The following PLD5 variants were observed in gnomAD, a reference collection of about 807,000 sequenced individuals.
PLD5 encodes phospholipase D family member 5, also known as inactive phospholipase D5.
In PLD5, 36 loss-of-function variants were observed where a neutral mutation model predicts 61.1. The ratio of observed to expected loss-of-function variants is 0.59; its 90% CI spans 0.45 to 0.78. The LOEUF is 0.78. Ranked by LOEUF, PLD5 falls within the 30% of genes least tolerant of loss-of-function variation. The pLI, the probability that PLD5 is intolerant of heterozygous loss-of-function variation, is 0.00. For synonymous variants in PLD5, 243 were observed against 242.8 expected, an observed-to-expected ratio of 1.00 and a Z score of -0.01; for missense variants, 515 against 644.4, an observed-to-expected ratio of 0.80 and a Z score of 2.17.
At chr1:242,355,199 T>C (rs1455994227) in intron 1 of PLD5, among the ~76,000 whole-genome samples, 1 of 152,202 alleles carries the variant, frequency 6.6e-6, no homozygotes. Context: ...GGGGAATTGG[T>C]AATAGTTCTT....
At chr1:242,485,111 T>C (rs1268543923) in intron 1 of PLD5, among the ~76,000 whole-genome samples, 3 of 152,128 alleles carry the variant, frequency 2.0e-5, no homozygotes, top group Non-Finnish European at 2.9e-5. Flanking sequence ...TCATACTGAA[T>C]GGGCAAAAAC....
chr1:242,308,111 C>T (rs890995094), intron 2 of PLD5, among the ~76,000 whole-genome samples: 4 of 152,070 alleles, frequency 2.6e-5, no homozygotes, highest in Non-Finnish European at 5.9e-5. Context: ...ACTTTTCATT[C>T]ATATTCACAT....
chr1:242,281,247 C>T (rs1209612751), intron 3 of PLD5, among the ~76,000 whole-genome samples: 1 of 152,214 alleles, frequency 6.6e-6, no homozygotes, highest in African/African-American at 2.4e-5. Context: ...AACAAAAGCC[C>T]TTGTCTGTTG....
At chr1:242,387,723 AAATTTTATCTATTTTATATAT>A (rs1662681631) in intron 1 of PLD5, among the ~76,000 whole-genome samples, 2 of 54,202 alleles carry the variant, frequency 3.7e-5, no homozygotes, top group South Asian at 1.3e-3. Flanking sequence ...ATTTTATATA[AAATTTTATCTATTTTATATAT>A]GATATATATC....
intron 2 of PLD5, among the ~76,000 whole-genome samples, chr1:242,291,514 A>G (rs1269099996): frequency 6.6e-6 from 1 of 152,102 alleles, no homozygotes; most frequent in Non-Finnish European, 1.5e-5. Context: ...GATCCATTCA[A>G]ACTGACAACG....
chr1:242,228,097 G>A (rs1253658807), intron 4 of PLD5, among the ~76,000 whole-genome samples: 12 of 152,184 alleles, frequency 7.9e-5, no homozygotes, highest in Non-Finnish European at 1.8e-4. Flanking sequence ...ACAATGGCGT[G>A]TTCACATTTA....
intron 2 of PLD5, among the ~76,000 whole-genome samples, chr1:242,302,808 A>G (rs1310608944): frequency 6.6e-6 from 1 of 152,178 alleles, no homozygotes; most frequent in African/African-American, 2.4e-5. Context: ...TGTACATGTA[A>G]GCTTCTGTTT....
At chr1:242,105,706 T>G (rs2148679994) in intron 8 of PLD5, among the ~76,000 whole-genome samples, 1 of 152,282 alleles carries the variant, frequency 6.6e-6, no homozygotes, top group East Asian at 1.9e-4. Flanking sequence ...GAAAAATCCT[T>G]TAAGTGGCCA....
intron 1 of PLD5, among the ~76,000 whole-genome samples, chr1:242,503,277 G>C (rs549758114): frequency 6.6e-6 from 1 of 152,200 alleles, no homozygotes; most frequent in East Asian, 1.9e-4. Context: ...GATCACGCGA[G>C]ATCTGGTTGT....
rs1030395188 is a variant in PLD5 at position 242,084,680 on chromosome 1, T to C, written c.*5174A>G. On this transcript the variant is annotated 3_prime_UTR_variant, in exon 10 of 10. Coordinates refer to ENST00000536534, the MANE Select transcript of PLD5 (RefSeq NM_001372062.1). ...GCTGAGCAGACACTAGGTTCTCTAG[T>C]GGGGTCTCTATGATTGTTTCTTTTT... 6.7e-6 allele frequency: 1 copy of C among 150,260 alleles called. No homozygotes were observed. The highest frequency in any genetic ancestry group is 1.5e-5 in the Non-Finnish European group (1 of 67,700). 9.3% of individuals were successfully genotyped at this position (150,260 alleles called of 1,614,324 possible). A position where few individuals can be genotyped will look rare whatever the true frequency, so the allele number is the denominator to read the frequency against.
At chr1:242,226,365 C>A (rs933829982) in intron 4 of PLD5, among the ~76,000 whole-genome samples, 2 of 152,172 alleles carry the variant, frequency 1.3e-5, no homozygotes, top group Admixed American at 6.5e-5. Flanking sequence ...CAGATCTCTG[C>A]AGATCCTCCT....
At position 242,496,129 on chromosome 1, in the gene PLD5, A is replaced by G. The variant is rs371509755; in HGVS notation, c.189+27959T>C. ...AGGGACATTCCTAGACCAAAATAAT[A>G]TCTGAGAACACTGGATTACGTTCCA... On this transcript the variant is annotated intron_variant, in intron 1 of 9. Transcript: ENST00000536534. Among the ~76,000 whole-genome samples, 10 of 152,240 alleles carry G rather than the reference A, an allele frequency of 6.6e-5. No individual in the cohort carries two copies. In the East Asian group the frequency reaches 1.9e-3, roughly 29 times the overall value.
intron 1 of PLD5, among the ~76,000 whole-genome samples, chr1:242,468,054 T>C (rs1667329715): frequency 6.6e-6 from 1 of 152,188 alleles, no homozygotes; most frequent in African/African-American, 2.4e-5. Context: ...AAAACAAAAG[T>C]TGGAGTGCCA....
At chr1:242,480,783 A>C (rs1484026188) in intron 1 of PLD5, among the ~76,000 whole-genome samples, 1 of 152,224 alleles carries the variant, frequency 6.6e-6, no homozygotes, top group Non-Finnish European at 1.5e-5. Flanking sequence ...AATGCAAATT[A>C]AAAACCACAA....
Position 242,406,486 on chromosome 1 carries a change from G to T in PLD5, c.190-58244C>A, listed in dbSNP as rs1049579931. 4.6e-5 allele frequency among the ~76,000 whole-genome samples: 7 copies of T among 152,248 alleles called. 1 individual carries two copies. The highest frequency in any genetic ancestry group is 4.8e-5 in the African/African-American group (2 of 41,536). On this transcript the variant is annotated intron_variant, in intron 1 of 9. Transcript: ENST00000536534. Reference sequence around the variant, plus strand: ...CTTCCTATATACAACCAGCAATTCTGTGGATCCCTAAAGGTTGATCCGTCA... The same window carrying T: ...CTTCCTATATACAACCAGCAATTCTTTGGATCCCTAAAGGTTGATCCGTCA...
chr1:242,236,991 A>G (rs1479985784), intron 4 of PLD5, among the ~76,000 whole-genome samples: 1 of 152,244 alleles, frequency 6.6e-6, no homozygotes, highest in East Asian at 1.9e-4. Context: ...AATCCAGGAT[A>G]CTGAAAAATT....
intron 5 of PLD5, chr1:242,177,815 G>A (rs545431713): frequency 1.3e-5 from 2 of 152,152 alleles, no homozygotes; most frequent in Non-Finnish European, 2.9e-5. Flanking sequence ...TGTCACTACT[G>A]AGCCCAAAAG....
At chr1:242,220,315 A>C (rs1670487680) in intron 4 of PLD5, among the ~76,000 whole-genome samples, 200 bp from the exon 5 acceptor site, 1 of 150,372 alleles carries the variant, frequency 6.7e-6, no homozygotes, top group Non-Finnish European at 1.5e-5. Context: ...CTAAAAGAAA[A>C]GAAAAGAAAA....
chr1:242,190,863 G>A (rs1027755236), intron 5 of PLD5, among the ~76,000 whole-genome samples: 14 of 152,268 alleles, frequency 9.2e-5, no homozygotes, highest in South Asian at 6.2e-4. Context: ...AGACAATCAT[G>A]CACTGCTGGA....
Sources: allele counts gnomAD v4.1 joint callset (sites outside exome capture counted in the v4.1 genomes callset), GRCh38; gene constraint gnomAD v4.1.1; transcripts MANE v1.5; gene names NCBI Gene and HGNC (gene_info 2026-07-23, HGNC 2026-07-21).